Variants in ZFX observed in about 807,000 individuals in gnomAD.
ZFX encodes the protein zinc finger X-chromosomal protein.
For synonymous variants in ZFX, 196 were observed against 226.8 expected (o/e 0.86, Z 1.22); for missense variants, 362 against 628.3 (o/e 0.58, Z 4.53).
intron 5 of ZFX, among the ~76,000 whole-genome samples, chrX:24,187,059 A>G (rs1936175809): frequency 8.9e-6 from 1 of 112,115 alleles, no homozygotes; most frequent in Admixed American, 9.5e-5. Flanking sequence ...TCTTCAATAA[A>G]TGATATCTAT....
At chrX:24,184,290 G>T (rs1315186020) in intron 5 of ZFX, among the ~76,000 whole-genome samples, 1 of 111,395 alleles carries the variant, frequency 9.0e-6, no homozygotes, top group Non-Finnish European at 1.9e-5. Flanking sequence ...TTTGTGAGGG[G>T]AAGAGGGCCT....
At chrX:24,206,778 T>C (rs1382238791) in intron 5 of ZFX, among the ~76,000 whole-genome samples, 1 of 110,553 alleles carries the variant, frequency 9.0e-6, no homozygotes, top group Non-Finnish European at 1.9e-5. Context: ...TATTCTTTTG[T>C]ATTTACAGTT....
At position 24,213,338 on chromosome X, in the gene ZFX, G is replaced by A. The variant is rs1394230591; in HGVS notation, c.*1962G>A. On this transcript the variant is annotated 3_prime_UTR_variant, in exon 10 of 10. Transcript: ENST00000304543. ...CCTTCAGTTGGCTATTGGTCCGTAT[G>A]CATCTAGCACATTGTAGGAGATTTA... 8.9e-6 allele frequency: 1 copy of A among 112,366 alleles called. No individual in the cohort carries two copies. The highest frequency in any genetic ancestry group is 1.9e-5 in the Non-Finnish European group (1 of 53,235). The allele number at this position is 112,366 out of a possible 1,213,427, so 9.3% of individuals were successfully genotyped here.
rs145738479 is a variant in ZFX, at chrX:24,190,998, T to C, written c.646+11228T>C. 9.5e-3 allele frequency among the ~76,000 whole-genome samples: 1,067 copies of C among 112,092 alleles called. 16 individuals are homozygous for C. The highest frequency in any genetic ancestry group is 0.032 in the African/African-American group (985 of 30,851). On this transcript the variant is annotated intron_variant, in intron 5 of 9. Transcript: ENST00000304543. The stretch of plus-strand genomic sequence containing the variant: ...AGAGGCTTTCAGTCAGTAGCATCCA[T>C]TGGGCTAGCAAGGCTCAATCTCGAC...
chrX:24,177,472 G>A (rs1444341124), intron 4 of ZFX, among the ~76,000 whole-genome samples: 2 of 110,408 alleles, frequency 1.8e-5, no homozygotes, highest in Non-Finnish European at 3.8e-5. Context: ...TCGGGTCTAG[G>A]GGGACGGGAG....
At chrX:24,167,571 T>C (rs1165497760) in intron 3 of ZFX, among the ~76,000 whole-genome samples, 7 of 111,278 alleles carry the variant, frequency 6.3e-5, no homozygotes, top group Non-Finnish European at 1.3e-4. Flanking sequence ...GAAGATACCG[T>C]GTCCACCCAA....
chrX:24,185,710 G>A (rs959437198), intron 5 of ZFX, among the ~76,000 whole-genome samples: 2 of 112,534 alleles, frequency 1.8e-5, no homozygotes, highest in East Asian at 5.6e-4. Context: ...TCGGCCTCCC[G>A]AAGTGCTAGG....
chrX:24,157,216 G>C (rs1390816316), intron 3 of ZFX, among the ~76,000 whole-genome samples: 1 of 112,071 alleles, frequency 8.9e-6, no homozygotes, highest in African/African-American at 3.2e-5. Context: ...ATTTTTGTTA[G>C]ATACTGTGTA....
chrX:24,168,561 T>C (rs1291106275), intron 3 of ZFX, among the ~76,000 whole-genome samples: 2 of 110,866 alleles, frequency 1.8e-5, no homozygotes, highest in African/African-American at 6.5e-5. Flanking sequence ...ATAATTACCT[T>C]CTTCTAGGAT....
chrX:24,206,365 G>GT (rs1937576346), intron 5 of ZFX, among the ~76,000 whole-genome samples: 1 of 110,622 alleles, frequency 9.0e-6, no homozygotes, highest in South Asian at 3.7e-4. Flanking sequence ...ATTCTTCTAA[G>GT]TTTTTTTGTT....
At chrX:24,172,926 G>A in intron 4 of ZFX, 126 bp downstream of exon 4, 1 of 648,078 alleles carries the variant, frequency 1.5e-6, no homozygotes, top group Non-Finnish European at 2.2e-6. Context: ...AAATTCACAG[G>A]TGTTACGGTG....
intron 5 of ZFX, among the ~76,000 whole-genome samples, chrX:24,204,748 G>A (rs924089188): frequency 2.7e-5 from 3 of 112,023 alleles, no homozygotes; most frequent in Non-Finnish European, 5.6e-5. Context: ...TCTGAATTGC[G>A]TGACTCCAGA....
At chrX:24,188,216 A>G (rs775654766) in intron 5 of ZFX, among the ~76,000 whole-genome samples, 1 of 109,644 alleles carries the variant, frequency 9.1e-6, no homozygotes, top group Non-Finnish European at 1.9e-5. Flanking sequence ...CGCTTGAGGG[A>G]GACAAATGCT....
At chrX:24,198,282 AGCCTT>A (rs763590502) in intron 5 of ZFX, among the ~76,000 whole-genome samples, 51 of 111,325 alleles carry the variant, frequency 4.6e-4, no homozygotes, top group Non-Finnish European at 9.1e-4. Context: ...GACTCACTGC[AGCCTT>A]GACCTCCTGG....
chrX:24,205,761 G>A (rs961228181), intron 5 of ZFX, among the ~76,000 whole-genome samples: 2 of 111,356 alleles, frequency 1.8e-5, no homozygotes, highest in African/African-American at 6.5e-5. Flanking sequence ...GACTGAGGCA[G>A]GAGAGTCGCT....
intron 3 of ZFX, among the ~76,000 whole-genome samples, chrX:24,164,940 GAA>G (rs747389861): frequency 2.4e-5 from 2 of 81,800 alleles, no homozygotes; most frequent in Non-Finnish European, 2.4e-5. Context: ...AACTCCGTCT[GAA>G]AAAAAAAAAA....
intron 5 of ZFX, among the ~76,000 whole-genome samples, chrX:24,188,738 G>A (rs1361109428): frequency 8.9e-6 from 1 of 112,109 alleles, no homozygotes. Flanking sequence ...AATGTTCAGG[G>A]CAGGCGCAAG....
At chrX:24,168,817 A>G (rs914144351) in intron 3 of ZFX, among the ~76,000 whole-genome samples, 19 of 109,770 alleles carry the variant, frequency 1.7e-4, no homozygotes, top group African/African-American at 6.3e-4. Flanking sequence ...AGAGTCCCAG[A>G]AATACCTTGA....
intron 1 of ZFX, 37 bp downstream of exon 1, chrX:24,149,831 T>C (rs1412100057): frequency 1.8e-5 from 2 of 109,307 alleles, no homozygotes; most frequent in Non-Finnish European, 3.9e-5. Context: ...CGGGGCCTAG[T>C]GCGCGCACAG....
Sources: allele counts gnomAD v4.1 joint callset (sites outside exome capture counted in the v4.1 genomes callset), GRCh38; gene constraint gnomAD v4.1.1; transcripts MANE v1.5; gene names NCBI Gene and HGNC (gene_info 2026-07-23, HGNC 2026-07-21).